NARS1: variants seen among roughly 807,000 people sequenced by gnomAD.
NARS1 encodes the protein asparaginyl-tRNA synthetase 1, also known as asparagine--tRNA ligase, cytoplasmic.
NARS1 carries 65 observed loss-of-function variants against 79.2 expected under a neutral mutation model. That is an observed-to-expected ratio of 0.82 (90% CI 0.67 to 1.01). The LOEUF is 1.01. Among genes scored for constraint, NARS1 ranks in the 50% least tolerant of loss-of-function variants. The pLI is 0.00. For missense variants in NARS1, 649 were observed against 673.8 expected, an observed-to-expected ratio of 0.96 and a Z score of 0.41; for synonymous variants, 229 against 238.8, an observed-to-expected ratio of 0.96 and a Z score of 0.38.
rs768843244 is a variant in NARS1 at position 57,607,633 on chromosome 18, G to A, written c.612C>T (p.Phe204=). 1 of 1,613,866 alleles carries A rather than the reference G, an allele frequency of 6.2e-7. No homozygotes were observed. The highest frequency in any genetic ancestry group is 1.3e-5 in the African/African-American group (1 of 74,886). Residue 204 remains phenylalanine (F), a synonymous_variant, in exon 8 of 14, where the codon TTC becomes TTT. Coordinates refer to ENST00000256854, the MANE Select transcript of NARS1 (RefSeq NM_004539.4). ...APGGHELSCD[F]WELIGLAPAG... is the part of the protein sequence containing the mutation. ...CAGGGGCCAACCCAATTAGTTCCCA[G>A]AAGTCACAACTCAGCTCATGGCCAC...
intron 12 of NARS1, 163 bp from the exon 13 acceptor site, chr18:57,602,649 T>G: frequency 8.3e-7 from 1 of 1,198,312 alleles, no homozygotes; most frequent in South Asian, 1.6e-5. Flanking sequence ...TAACAAAGCA[T>G]GTCAACTTCA....
chr18:57,609,843 C>T (rs2122438498), intron 6 of NARS1, among the ~76,000 whole-genome samples: 1 of 152,198 alleles, frequency 6.6e-6, no homozygotes, highest in South Asian at 2.1e-4. Flanking sequence ...CTCACTGGAG[C>T]CCAGGAGTTC....
chr18:57,617,348 G>A (rs572031851), intron 2 of NARS1, among the ~76,000 whole-genome samples: 97 of 151,908 alleles, frequency 6.4e-4, no homozygotes, highest in African/African-American at 1.9e-3. Flanking sequence ...CGAGGTGGGC[G>A]GATCACGAGG....
chr18:57,607,469 T>A lies in NARS1; in HGVS notation c.776A>T (p.His259Leu), dbSNP rs1480062699. ...RSMVTRCFRD[H>L]FFDRGYYEVT... ...TTCATAGTACCCCCTATCAAAGAAG[T>A]GATCTCTAAAGCACCTGGTGACCAT... is the stretch of plus-strand genomic sequence containing the variant. The change falls in exon 8 of 14, where the codon CAC becomes CTC. Residue 259 changes from histidine (H) to leucine (L), a missense_variant. Transcript: ENST00000256854. 1 of 1,614,158 alleles carries A rather than the reference T, an allele frequency of 6.2e-7. No individual in the cohort carries two copies. Among genetic ancestry groups the A allele is most frequent in the Non-Finnish European group, 8.5e-7 (1 of 1,180,014 alleles).
intron 2 of NARS1, among the ~76,000 whole-genome samples, chr18:57,618,772 T>C (rs1908168870): frequency 6.6e-6 from 1 of 151,952 alleles, no homozygotes; most frequent in South Asian, 2.1e-4. Flanking sequence ...TGTGGTGACA[T>C]GCCCCTGTGG....
intron 11 of NARS1, among the ~76,000 whole-genome samples, chr18:57,604,387 CT>C (rs2051536462): frequency 6.6e-6 from 1 of 150,924 alleles, no homozygotes; most frequent in Non-Finnish European, 1.5e-5. Context: ...ACCTCCATCT[CT>C]TTAAAAAAAA....
Position 57,606,797 on chromosome 18 carries a change from G to T in NARS1, c.1002-46C>A, listed in dbSNP as rs117946713. 10,175 of 1,607,308 alleles carry T rather than the reference G, an allele frequency of 6.3e-3. 45 individuals are homozygous for T. Among genetic ancestry groups the T allele is most frequent in the Non-Finnish European group, 7.6e-3 (8,967 of 1,176,048 alleles). On this transcript the variant is annotated intron_variant, in intron 9 of 13. Transcript: ENST00000256854. ...TCAGCACTGCTTTTCTCCTGCACTGGTTTTTTATCCAGCAAGGCTTTTAAC... is the reference window on the plus strand; with the variant it reads ...TCAGCACTGCTTTTCTCCTGCACTGTTTTTTTATCCAGCAAGGCTTTTAAC...
intron 2 of NARS1, among the ~76,000 whole-genome samples, chr18:57,620,147 A>C (rs1263740040): frequency 1.3e-5 from 2 of 152,208 alleles, no homozygotes; most frequent in Non-Finnish European, 2.9e-5. Context: ...CTGACAAATG[A>C]ATCCATTCTT....
At chr18:57,606,019 C>T in intron 10 of NARS1, 49 bp from the exon 11 acceptor site, 1 of 1,162,070 alleles carries the variant, frequency 8.6e-7, no homozygotes, top group Non-Finnish European at 1.2e-6. Context: ...TAAATATAAA[C>T]ATTAACACTA....
In NARS1 at chr18:57,607,283, G is replaced by A. The variant is rs780930669; in HGVS notation, c.852C>T (p.Leu284=). Residue 284 remains leucine (L), a synonymous_variant, in exon 9 of 14, where the codon CTC becomes CTT. Transcript: ENST00000256854. The part of the protein sequence containing the change: ...VQTQVEGGAT[L]FKLDYFGEEA... ...CTTCCCCAAAATAGTCAAGCTTGAAGAGTGTGGCACCACCTTCTACTTGTG... is the reference window on the plus strand; with the variant it reads ...CTTCCCCAAAATAGTCAAGCTTGAAAAGTGTGGCACCACCTTCTACTTGTG... 2.5e-6 allele frequency: 4 copies of A among 1,614,106 alleles called. No homozygotes were observed. The Admixed American group carries it at 6.7e-5, about 27-fold the overall frequency.
chr18:57,610,313 A>G (rs2051594611), intron 6 of NARS1, among the ~76,000 whole-genome samples: 1 of 152,082 alleles, frequency 6.6e-6, no homozygotes. Context: ...CTCTACTAAA[A>G]ATACAAAAGT....
intron 4 of NARS1, 108 bp downstream of exon 4, chr18:57,615,533 G>A (rs913194558): frequency 2.7e-6 from 2 of 746,610 alleles, no homozygotes; most frequent in Admixed American, 5.4e-5. Flanking sequence ...TAAATGGAAA[G>A]TAAAAACAAA....
At chr18:57,613,537 GT>G in intron 5 of NARS1, 64 bp downstream of exon 5, 2 of 1,381,022 alleles carry the variant, frequency 1.4e-6, no homozygotes, top group Non-Finnish European at 2.0e-6. Flanking sequence ...ATCTTTGTAT[GT>G]TTTTCTTCAT....
At chr18:57,611,468 G>A (rs2051604037) in intron 6 of NARS1, among the ~76,000 whole-genome samples, 169 bp downstream of exon 6, 1 of 151,868 alleles carries the variant, frequency 6.6e-6, no homozygotes, top group Non-Finnish European at 1.5e-5. Context: ...GCCTTATTAA[G>A]GTATAATAAA....
At chr18:57,610,742 C>A (rs115065561) in intron 6 of NARS1, among the ~76,000 whole-genome samples, 1 of 148,996 alleles carries the variant, frequency 6.7e-6, no homozygotes, top group Non-Finnish European at 1.5e-5. Context: ...GGAGAGGGGG[C>A]GGGTTGCAAA....
Position 57,602,348 on chromosome 18 carries a change from G to T in NARS1, c.1515+7C>A, listed in dbSNP as rs1429250868. 5 of 1,607,740 alleles carry T rather than the reference G, an allele frequency of 3.1e-6. No homozygotes were observed. The highest frequency in any genetic ancestry group is 4.2e-6 in the Non-Finnish European group (5 of 1,178,170). On this transcript the variant is annotated splice_region_variant and intron_variant, in intron 13 of 13. Coordinates refer to ENST00000256854, the MANE Select transcript of NARS1 (RefSeq NM_004539.4). ...AAAATGTTGAGTACTTAAAAAATTG[G>T]TTTTACCTGATCCGTATACCAGTAA...
chr18:57,611,027 C>G (rs959979888), intron 6 of NARS1, among the ~76,000 whole-genome samples: 1 of 145,926 alleles, frequency 6.9e-6, no homozygotes, highest in Non-Finnish European at 1.5e-5. Context: ...AAGGTGGTGG[C>G]ATCATCTTGG....
intron 7 of NARS1, among the ~76,000 whole-genome samples, chr18:57,608,135 G>A (rs1007646436): frequency 1.3e-5 from 2 of 151,912 alleles, no homozygotes; most frequent in Non-Finnish European, 2.9e-5. Flanking sequence ...CAAAGTGCTG[G>A]GATTACAGGC....
rs536569272 is a variant in NARS1 at position 57,605,134 on chromosome 18, A to AAAAAAT, written c.1251+722_1251+723insATTTTT. Among the ~76,000 whole-genome samples, 257 of 135,198 alleles carry AAAAAAT rather than the reference A, an allele frequency of 1.9e-3. 1 individual carries two copies. Among genetic ancestry groups the AAAAAAT allele is most frequent in the African/African-American group, 6.5e-3 (226 of 34,766 alleles). 88.7% of individuals were successfully genotyped at this position (135,198 alleles called of 152,430 possible). A position where few individuals can be genotyped will look rare whatever the true frequency, so the allele number is the denominator to read the frequency against. ...ATACATTCTCCAGAAAAAAAAAAAA[A>AAAAAAT]ATATATATATATATATATATCTATA... On this transcript the variant is annotated intron_variant, in intron 11 of 13. Transcript: ENST00000256854.
Sources: allele counts gnomAD v4.1 joint callset (sites outside exome capture counted in the v4.1 genomes callset), GRCh38; gene constraint gnomAD v4.1.1; transcripts MANE v1.5; gene names NCBI Gene and HGNC (gene_info 2026-07-23, HGNC 2026-07-21).